The following LMO7 variants were observed in gnomAD, a reference collection of about 807,000 sequenced individuals.
LMO7 encodes LIM domain 7, also known as LIM domain only protein 7.
LMO7 carries 120 observed loss-of-function variants against 206.5 expected under a neutral mutation model. The observed-to-expected ratio is 0.58, with a 90% CI of 0.50 to 0.68. The LOEUF (loss-of-function observed/expected upper bound fraction) is 0.68, where lower values mean the gene tolerates loss of function less well. Ranked by LOEUF, LMO7 falls within the 30% of genes least tolerant of loss-of-function variation. The probability of loss-of-function intolerance (pLI) is 0.00; values close to 1 mark genes in which losing one functional copy is unlikely to be tolerated. For missense variants in LMO7, 1,959 were observed against 1,957.9 expected (o/e 1.00, Z -0.01); for synonymous variants, 706 against 681.5 (o/e 1.04, Z -0.56).
At chr13:75,621,841 C>G (rs2033333755) in exon 1 of LMO7, 1 of 1,604,186 alleles carries the variant, frequency 6.2e-7, no homozygotes, top group Admixed American at 1.7e-5. Context: ...TTGGCTGTAT[C>G]TCAGGGACAG....
intron 1 of LMO7, among the ~76,000 whole-genome samples, chr13:75,658,383 C>G (rs1011217316): frequency 6.6e-6 from 1 of 151,838 alleles, no homozygotes; most frequent in Non-Finnish European, 1.5e-5. Flanking sequence ...AATTTTAGAT[C>G]AGTTTGGGGA....
At chr13:75,759,586 C>T (rs939497922) in intron 3 of LMO7, among the ~76,000 whole-genome samples, 6 of 152,114 alleles carry the variant, frequency 3.9e-5, no homozygotes, top group Admixed American at 1.3e-4. Flanking sequence ...TTATTTAAAA[C>T]GATTCGTGGA....
intron 4 of LMO7, among the ~76,000 whole-genome samples, chr13:75,776,658 A>G (rs1400994836): frequency 3.9e-5 from 6 of 152,194 alleles, no homozygotes; most frequent in Non-Finnish European, 7.3e-5. Context: ...AGCCTTCAAC[A>G]GCTCTGGAGC....
chr13:75,712,884 G>T (rs886898281), intron 1 of LMO7, among the ~76,000 whole-genome samples: 3 of 152,048 alleles, frequency 2.0e-5, no homozygotes, highest in Non-Finnish European at 4.4e-5. Flanking sequence ...TATAAAATAT[G>T]TTGAAAATTT....
intron 1 of LMO7, among the ~76,000 whole-genome samples, chr13:75,698,510 G>A (rs1029017648): frequency 2.2e-4 from 34 of 151,740 alleles, no homozygotes; most frequent in Non-Finnish European, 4.6e-4. Context: ...GGCTGATCTG[G>A]AACTCCTGGC....
chr13:75,703,399 G>A (rs1203039359), intron 1 of LMO7, among the ~76,000 whole-genome samples: 1 of 152,158 alleles, frequency 6.6e-6, no homozygotes, highest in African/African-American at 2.4e-5. Flanking sequence ...ACAGTTTAGA[G>A]TTCCCTGAGT....
At chr13:75,712,329 T>G (rs1444826495) in intron 1 of LMO7, among the ~76,000 whole-genome samples, 1 of 152,188 alleles carries the variant, frequency 6.6e-6, no homozygotes, top group Non-Finnish European at 1.5e-5. Context: ...GTCACTGCTG[T>G]TGGTCCCTGC....
At chr13:75,817,350 A>G in intron 12 of LMO7, 72 bp downstream of exon 12, 1 of 930,004 alleles carries the variant, frequency 1.1e-6, no homozygotes, top group South Asian at 1.4e-5. Flanking sequence ...TAAAGTCAAT[A>G]TACTCAAGAC....
rs868392762 is a variant in LMO7 at position 75,738,111 on chromosome 13, G to A, written c.210+11013G>A. ...TTTGGCTCATTCAGTTCAGGTTGAC[G>A]TGGGTACTGTGAAGGAGGTTTGTGT... On this transcript the variant is annotated intron_variant, in intron 3 of 30. Coordinates refer to ENST00000377534, the MANE Select transcript of LMO7 (RefSeq NM_001306080.2). 7.9e-5 allele frequency among the ~76,000 whole-genome samples: 12 copies of A among 152,142 alleles called. No individual in the cohort carries two copies. The Middle Eastern group carries it at 0.01, about 129-fold the overall frequency.
intron 1 of LMO7, among the ~76,000 whole-genome samples, chr13:75,700,825 C>T (rs1227452835): frequency 6.6e-6 from 1 of 152,206 alleles, no homozygotes. Context: ...CTATGCAAAA[C>T]AATGCGCAAT....
chr13:75,719,916 A>G (rs963457775), intron 2 of LMO7, among the ~76,000 whole-genome samples: 10 of 152,240 alleles, frequency 6.6e-5, no homozygotes, highest in African/African-American at 1.7e-4. Flanking sequence ...AGAAACTGCC[A>G]AACTCTTTCA....
chr13:75,741,478 C>T lies in LMO7; in HGVS notation c.210+14380C>T, dbSNP rs148231664. Among the ~76,000 whole-genome samples the T allele has an allele frequency of 4.2e-4, 64 of 152,284 alleles. No homozygotes were observed. In the East Asian group the frequency reaches 0.012, roughly 28 times the overall value. On this transcript the variant is annotated intron_variant, in intron 3 of 30. Coordinates refer to ENST00000377534, the MANE Select transcript of LMO7 (RefSeq NM_001306080.2). Reference sequence around the variant, plus strand: ...CTTGATGAACATCGATGCAAAAATCCTCAACAAAACACCGGCAAACTGAAT... The same window carrying T: ...CTTGATGAACATCGATGCAAAAATCTTCAACAAAACACCGGCAAACTGAAT...
chr13:75,839,202 A>G (rs934292712), intron 20 of LMO7, among the ~76,000 whole-genome samples: 8 of 152,264 alleles, frequency 5.3e-5, no homozygotes, highest in Admixed American at 4.6e-4. Context: ...TTCTATGGCT[A>G]TTTAATTGAA....
At chr13:75,730,039 A>T (rs1409333137) in intron 3 of LMO7, among the ~76,000 whole-genome samples, 2 of 151,930 alleles carry the variant, frequency 1.3e-5, no homozygotes, top group African/African-American at 4.9e-5. Context: ...CCAGTATTTT[A>T]TTGAGGATTT....
At chr13:75,626,253 G>GA (rs1354431021) in intron 2 of LMO7, among the ~76,000 whole-genome samples, 3 of 152,066 alleles carry the variant, frequency 2.0e-5, no homozygotes, top group Non-Finnish European at 2.9e-5. Context: ...AGACTGGGAA[G>GA]AAAAAGACGT....
At position 75,698,512 on chromosome 13, in the gene LMO7, A is replaced by G. The variant is rs74542323; in HGVS notation, c.70-14670A>G. On this transcript the variant is annotated intron_variant, in intron 1 of 30. Coordinates refer to ENST00000377534, the MANE Select transcript of LMO7 (RefSeq NM_001306080.2). ...ACTATGTTGCTCAGGCTGATCTGGA[A>G]CTCCTGGCTTCAAGTGATCCTTCTA... 5.5e-3 allele frequency among the ~76,000 whole-genome samples: 830 copies of G among 150,838 alleles called. 6 individuals are homozygous for G. The highest frequency in any genetic ancestry group is 0.02 in the African/African-American group (800 of 41,004).
chr13:75,652,070 A>G (rs776534327), intron 1 of LMO7, among the ~76,000 whole-genome samples: 3 of 151,996 alleles, frequency 2.0e-5, no homozygotes, highest in Non-Finnish European at 2.9e-5. Flanking sequence ...TTCCCTTTTC[A>G]TAGTATTTTG....
chr13:75,700,173 G>C (rs1271686092), intron 1 of LMO7, among the ~76,000 whole-genome samples: 1 of 152,134 alleles, frequency 6.6e-6, no homozygotes, highest in Non-Finnish European at 1.5e-5. Context: ...AAACACACAT[G>C]TTTTACAAAC....
chr13:75,777,715 G>C (rs1426057762), intron 4 of LMO7, among the ~76,000 whole-genome samples: 1 of 142,050 alleles, frequency 7.0e-6, no homozygotes. Context: ...GGGCGATCCC[G>C]GCTCACTGCA....
Sources: allele counts gnomAD v4.1 joint callset (sites outside exome capture counted in the v4.1 genomes callset), GRCh38; gene constraint gnomAD v4.1.1; transcripts MANE v1.5; gene names NCBI Gene and HGNC (gene_info 2026-07-23, HGNC 2026-07-21).